KIF27: variants seen among roughly 807,000 people sequenced by gnomAD.
KIF27 encodes the protein kinesin family member 27.
In KIF27, 84 loss-of-function variants were observed where a neutral mutation model predicts 141.8. The ratio of observed to expected loss-of-function variants is 0.59; its 90% confidence interval spans 0.50 to 0.71. KIF27 has a LOEUF of 0.71. Ranked by LOEUF, KIF27 falls within the 30% of genes least tolerant of loss-of-function variation. The probability of loss-of-function intolerance (pLI) is 0.00; values close to 1 mark genes in which losing one functional copy is unlikely to be tolerated. For synonymous variants in KIF27, 471 were observed against 569.5 expected, an observed-to-expected ratio of 0.83 and a Z score of 2.46; for missense variants, 1,306 against 1,628.4, an observed-to-expected ratio of 0.80 and a Z score of 3.41.
At chr9:83,910,748 G>A (rs1259299733) in intron 2 of KIF27, among the ~76,000 whole-genome samples, 1 of 152,158 alleles carries the variant, frequency 6.6e-6, no homozygotes, top group East Asian at 1.9e-4. Context: ...ACACAGACCG[G>A]TACCATAACA....
rs550550189 is a variant in KIF27, at chr9:83,869,528, C to G, written c.2757+991G>C. On this transcript the variant is annotated intron_variant, in intron 12 of 17. Coordinates refer to ENST00000297814, the MANE Select transcript of KIF27 (RefSeq NM_017576.4). ...AGGCGGGCAGATCATGAAATCGAAA[C>G]CATCCTGGCTAACATGGTGAAACCC... Among the ~76,000 whole-genome samples the G allele has an allele frequency of 6.6e-5, 10 of 152,198 alleles. No homozygotes were observed. The South Asian group carries it at 2.1e-3, about 32-fold the overall frequency.
In KIF27 at chr9:83,850,224, C is replaced by T. The variant is rs763502349; in HGVS notation, c.3431G>A (p.Arg1144Gln). Residue 1144 changes from arginine to glutamine, a missense_variant, in exon 16 of 18, where the codon CGG (arginine) becomes CAG (glutamine). Arg to Gln is a conservative substitution (Grantham distance 43). This residue lies in a region of KIF27 where 596 missense variants were observed against 751.6 expected (regional missense o/e 0.79). Transcript: ENST00000297814. ...NEEMKMKVLERDNMVRELESA... is the reference protein window; with the variant it reads ...NEEMKMKVLEQDNMVRELESA... ...TTCTAATTCACGAACCATATTATCC[C>T]GTTCCAGAACTTTCATTTTCATTTC... 3.1e-6 allele frequency: 5 copies of T among 1,613,342 alleles called. No homozygotes were observed. The highest frequency in any genetic ancestry group is 4.2e-6 in the Non-Finnish European group (5 of 1,179,306).
chr9:83,858,011 G>C (rs1397622854), intron 14 of KIF27, among the ~76,000 whole-genome samples: 1 of 137,180 alleles, frequency 7.3e-6, no homozygotes, highest in Non-Finnish European at 1.5e-5. Flanking sequence ...ATAGAGCTTA[G>C]TAATAGTCAC....
intron 17 of KIF27, among the ~76,000 whole-genome samples, chr9:83,841,588 T>G (rs911676485): frequency 1.3e-5 from 2 of 152,256 alleles, no homozygotes; most frequent in Non-Finnish European, 2.9e-5. Flanking sequence ...GCTAATTCTT[T>G]TATAAAATGT....
At chr9:83,882,282 A>G (rs948887203) in intron 10 of KIF27, among the ~76,000 whole-genome samples, 1 of 152,078 alleles carries the variant, frequency 6.6e-6, no homozygotes, top group African/African-American at 2.4e-5. Context: ...GGATCATTTG[A>G]GCCTGGGAGG....
chr9:83,869,237 T>C (rs1392444669), intron 12 of KIF27, among the ~76,000 whole-genome samples: 2 of 152,108 alleles, frequency 1.3e-5, no homozygotes, highest in African/African-American at 2.4e-5. Context: ...TAAAGTAAGG[T>C]AGAGATAATT....
At chr9:83,882,298 AC>A (rs1951740809) in intron 10 of KIF27, among the ~76,000 whole-genome samples, 1 of 152,080 alleles carries the variant, frequency 6.6e-6, no homozygotes, top group Non-Finnish European at 1.5e-5. Flanking sequence ...GGAGGAGGCA[AC>A]TGCAGTGGGC....
At position 83,883,917 on chromosome 9, in the gene KIF27, G is replaced by T. The variant is rs1564368205; in HGVS notation, c.2341C>A (p.Gln781Lys). 1.2e-6 allele frequency: 2 copies of T among 1,613,300 alleles called. No homozygotes were observed. Among genetic ancestry groups the T allele is most frequent in the Non-Finnish European group, 1.7e-6 (2 of 1,179,382 alleles). Residue 781 changes from glutamine (Q) to lysine (K), a missense_variant, in exon 10 of 18, where the codon CAG becomes AAG. This residue lies in a region of KIF27 where 596 missense variants were observed against 751.6 expected (regional missense o/e 0.79). Transcript: ENST00000297814. ...TCTTTGTTTTCCAGCTCCTGTAGCT[G>T]CTTTTGTGTTTCAATCAGTTCGACT... ...AKVELIETQK[Q>K]LQELENKDLS...
intron 14 of KIF27, among the ~76,000 whole-genome samples, chr9:83,854,753 G>A (rs1169708457): frequency 1.1e-4 from 17 of 152,096 alleles, no homozygotes; most frequent in Non-Finnish European, 1.9e-4. Context: ...ATACAAATCT[G>A]TGGTAAAGAA....
At chr9:83,911,375 C>T (rs1227959287) in intron 2 of KIF27, among the ~76,000 whole-genome samples, 8 of 152,176 alleles carry the variant, frequency 5.3e-5, no homozygotes, top group Non-Finnish European at 1.0e-4. Context: ...GCACTACAGG[C>T]GCCCACCACC....
chr9:83,895,813 T>G (rs1278356791), intron 5 of KIF27, among the ~76,000 whole-genome samples: 4 of 151,942 alleles, frequency 2.6e-5, no homozygotes, highest in Middle Eastern at 3.2e-3. Flanking sequence ...ATCCCAGTAC[T>G]TTGGGAGGCC....
chr9:83,872,355 G>A (rs911367966), intron 11 of KIF27, among the ~76,000 whole-genome samples: 2 of 152,014 alleles, frequency 1.3e-5, no homozygotes, highest in Non-Finnish European at 2.9e-5. Flanking sequence ...TGTTCATGGT[G>A]CCTTCTAGGG....
In KIF27 at chr9:83,891,509, G is replaced by A; in HGVS notation, c.1603-8C>T. The A allele has an allele frequency of 6.3e-7, 1 of 1,596,548 alleles. No individual in the cohort carries two copies. On this transcript the variant is annotated splice_region_variant and splice_polypyrimidine_tract_variant and intron_variant, in intron 5 of 17. Coordinates refer to ENST00000297814, the MANE Select transcript of KIF27 (RefSeq NM_017576.4). ...TTCTATTATTTTTTCATTCTTTGTAGAAGAGAGATGAAAATTTTTAATATA... is the reference window on the plus strand; with the variant it reads ...TTCTATTATTTTTTCATTCTTTGTAAAAGAGAGATGAAAATTTTTAATATA...
chr9:83,874,176 G>A lies in KIF27; in HGVS notation c.2644-3544C>T, dbSNP rs1951026069. Among the ~76,000 whole-genome samples the A allele has an allele frequency of 2.0e-5, 3 of 152,118 alleles. No individual in the cohort carries two copies. The South Asian group carries it at 6.2e-4, about 32-fold the overall frequency. ...AAAATAACTGTGTACCAGGCACTGTGCTAGACTTTTTATATCTATTTAATT... is the reference window on the plus strand; with the variant it reads ...AAAATAACTGTGTACCAGGCACTGTACTAGACTTTTTATATCTATTTAATT... On this transcript the variant is annotated intron_variant, in intron 11 of 17. Transcript: ENST00000297814.
chr9:83,916,566 C>G (rs953943679), intron 1 of KIF27, among the ~76,000 whole-genome samples: 4 of 151,932 alleles, frequency 2.6e-5, no homozygotes, highest in African/African-American at 9.7e-5. Flanking sequence ...AAGATCTCTG[C>G]TAGAATTAAT....
rs553058365 is a variant in KIF27 at position 83,911,059 on chromosome 9, C to CT, written c.299-2408dup. Among the ~76,000 whole-genome samples, 477 of 152,180 alleles carry CT rather than the reference C, an allele frequency of 3.1e-3. 1 individual carries two copies. Among genetic ancestry groups the CT allele is most frequent in the African/African-American group, 0.01 (433 of 41,536 alleles). ...GGAAAAATACTGTATGATTCCACTT[C>CT]TTTTTTTCTTTTCTTTTTCTTTTTT... is the stretch of plus-strand genomic sequence containing the variant. On this transcript the variant is annotated intron_variant, in intron 2 of 17. Transcript: ENST00000297814.
At chr9:83,902,027 C>T (rs1217873525) in intron 4 of KIF27, among the ~76,000 whole-genome samples, 1 of 152,080 alleles carries the variant, frequency 6.6e-6, no homozygotes, top group Non-Finnish European at 1.5e-5. Flanking sequence ...CCCACATAAA[C>T]AAAAGCTCTT....
At chr9:83,858,525 T>C (rs555136175) in intron 14 of KIF27, 1 of 152,142 alleles carries the variant, frequency 6.6e-6, no homozygotes, top group Non-Finnish European at 1.5e-5. Context: ...GACTGAAAAT[T>C]TTGAAAAAAG....
At chr9:83,904,905 A>G (rs1005979570) in intron 3 of KIF27, among the ~76,000 whole-genome samples, 4 of 150,796 alleles carry the variant, frequency 2.7e-5, no homozygotes, top group African/African-American at 9.7e-5. Flanking sequence ...TATGGTTTAT[A>G]AATAAAGTTG....
Sources: gnomAD v4.1 joint callset for allele counts (sites outside exome capture counted in the v4.1 genomes callset) on GRCh38, gnomAD v4.1.1 for gene constraint, gnomAD v4.1.1 regional missense constraint, MANE v1.5 for transcripts, NCBI Gene and HGNC (gene_info 2026-07-23, HGNC 2026-07-21) for gene names.